Variants in IGF1R observed in about 807,000 individuals in gnomAD.
IGF1R encodes the protein insulin like growth factor 1 receptor.
Under a neutral mutation model 144.6 loss-of-function variants are expected in IGF1R, and 44 were observed. That is an observed-to-expected ratio of 0.30 (90% CI 0.24 to 0.39). IGF1R has a LOEUF of 0.39. Among genes scored for constraint, IGF1R ranks in the 10% least tolerant of loss-of-function variants. The pLI is 1.00. For synonymous variants in IGF1R, 795 were observed against 722.8 expected (o/e 1.10, Z -1.60); for missense variants, 1,355 against 1,833.7 (o/e 0.74, Z 4.77).
intron 2 of IGF1R, among the ~76,000 whole-genome samples, chr15:98,884,333 G>A (rs561820850): frequency 2.6e-5 from 4 of 152,274 alleles, no homozygotes; most frequent in South Asian, 2.1e-4. Flanking sequence ...AGGCATTTCC[G>A]TTTGGATGTG....
At position 98,751,357 on chromosome 15, in the gene IGF1R, G is replaced by A. The variant is rs79601343; in HGVS notation, c.640+43250G>A. Reference sequence around the variant, plus strand: ...TAGGATTACAGGTGTGCATCACCACGCCCAGGTAATTTCTAAAAAAAAAAG... The same window carrying A: ...TAGGATTACAGGTGTGCATCACCACACCCAGGTAATTTCTAAAAAAAAAAG... On this transcript the variant is annotated intron_variant, in intron 2 of 20. Transcript: ENST00000650285. Among the ~76,000 whole-genome samples, 380 of 151,876 alleles carry A rather than the reference G, an allele frequency of 2.5e-3. 2 individuals are homozygous for A. The highest frequency in any genetic ancestry group is 8.6e-3 in the African/African-American group (355 of 41,376).
chr15:98,925,600 G>C (rs2015683063), intron 13 of IGF1R, among the ~76,000 whole-genome samples: 1 of 152,212 alleles, frequency 6.6e-6, no homozygotes, highest in African/African-American at 2.4e-5. Context: ...CACATCTGGA[G>C]TTACGTTAAA....
chr15:98,840,554 G>A (rs2011155629), intron 2 of IGF1R, among the ~76,000 whole-genome samples: 1 of 152,112 alleles, frequency 6.6e-6, no homozygotes, highest in East Asian at 1.9e-4. Flanking sequence ...GGTTCATGCA[G>A]TCCTCCTGCC....
chr15:98,704,187 C>A lies in IGF1R; in HGVS notation c.95-3375C>A, dbSNP rs748589903. On this transcript the variant is annotated intron_variant, in intron 1 of 20. Coordinates refer to ENST00000650285, the MANE Select transcript of IGF1R (RefSeq NM_000875.5). This position sits in a 1 kb window ranked among gnomAD's most constrained non-coding sequence, Gnocchi z 4.9. ...CGTTGTATACAAACTTTGTTTCATG[C>A]ACAAGATTATTAAAAATATATAAAA... is the stretch of plus-strand genomic sequence containing the variant. Among the ~76,000 whole-genome samples the A allele has an allele frequency of 1.4e-4, 21 of 151,836 alleles. No individual in the cohort carries two copies. Among genetic ancestry groups the A allele is most frequent in the Non-Finnish European group, 2.4e-4 (16 of 68,008 alleles).
chr15:98,842,303 TA>T (rs2011188209), intron 2 of IGF1R, among the ~76,000 whole-genome samples: 1 of 152,210 alleles, frequency 6.6e-6, no homozygotes, highest in Non-Finnish European at 1.5e-5. Context: ...AAAACTGATT[TA>T]ACTCTGAGGG....
rs142313898 is a variant in IGF1R at position 98,953,324 on chromosome 15, G to A, written c.3723-3737G>A. On this transcript the variant is annotated intron_variant, in intron 20 of 20. Coordinates refer to ENST00000650285, the MANE Select transcript of IGF1R (RefSeq NM_000875.5). ...AAGGTGTCGAGGTCTGAGTCTCAAC[G>A]CCATGACTCAGTGTGAATTAACTTA... 4.5e-3 allele frequency among the ~76,000 whole-genome samples: 689 copies of A among 152,294 alleles called. 4 individuals carry two copies. The highest frequency in any genetic ancestry group is 0.016 in the African/African-American group (662 of 41,554).
chr15:98,763,111 T>C (rs968683678), intron 2 of IGF1R, among the ~76,000 whole-genome samples: 1 of 151,628 alleles, frequency 6.6e-6, no homozygotes, highest in African/African-American at 2.4e-5. Context: ...GTTACAGAGA[T>C]CACATGTACT....
intron 19 of IGF1R, among the ~76,000 whole-genome samples, chr15:98,946,628 T>G (rs562230259): frequency 6.6e-6 from 1 of 152,278 alleles, no homozygotes; most frequent in South Asian, 2.1e-4. Context: ...GCAGGCAGAC[T>G]GCTCGGGTGG....
chr15:98,735,490 A>G (rs1410840380), intron 2 of IGF1R, among the ~76,000 whole-genome samples: 2 of 152,374 alleles, frequency 1.3e-5, no homozygotes, highest in Admixed American at 6.5e-5. Context: ...ACCTGTTTCA[A>G]GAGGTCTCTA....
intron 19 of IGF1R, among the ~76,000 whole-genome samples, 161 bp from the exon 20 acceptor site, chr15:98,948,413 A>G (rs1167200588): frequency 6.6e-6 from 1 of 152,194 alleles, no homozygotes; most frequent in Non-Finnish European, 1.5e-5. Context: ...GGAGGATGAT[A>G]TCCCGCACTT....
intron 15 of IGF1R, 75 bp downstream of exon 15, chr15:98,930,380 T>C: frequency 1.0e-6 from 1 of 983,378 alleles, no homozygotes; most frequent in Non-Finnish European, 1.6e-6. Flanking sequence ...GTTGCTAATT[T>C]GGGAAAGGAA....
At chr15:98,850,377 C>T (rs1458709602) in intron 2 of IGF1R, among the ~76,000 whole-genome samples, 1 of 152,208 alleles carries the variant, frequency 6.6e-6, no homozygotes, top group Non-Finnish European at 1.5e-5. Flanking sequence ...CTGGAAACAG[C>T]ACTGCTTCCA....
At chr15:98,928,180 C>T (rs1483833294) in intron 13 of IGF1R, among the ~76,000 whole-genome samples, 1 of 152,168 alleles carries the variant, frequency 6.6e-6, no homozygotes, top group Non-Finnish European at 1.5e-5. Context: ...CTCCAGGTCA[C>T]TCGCCTTGGG....
chr15:98,803,396 A>T (rs181724774), intron 2 of IGF1R, among the ~76,000 whole-genome samples: 1 of 152,344 alleles, frequency 6.6e-6, no homozygotes, highest in African/African-American at 2.4e-5. Context: ...TCAGGCTTGC[A>T]GGACCAGAAG....
At chr15:98,947,484 G>A (rs961945046) in intron 19 of IGF1R, among the ~76,000 whole-genome samples, 6 of 151,714 alleles carry the variant, frequency 4.0e-5, no homozygotes, top group Non-Finnish European at 8.8e-5. Flanking sequence ...CCCTGCTCCC[G>A]CCCCTACTTG....
intron 2 of IGF1R, among the ~76,000 whole-genome samples, chr15:98,884,683 CAAAAAAAA>C (rs35707888): frequency 2.5e-5 from 2 of 80,232 alleles, no homozygotes; most frequent in African/African-American, 1.0e-4. Flanking sequence ...CACTCCGTCT[CAAAAAAAA>C]AAAAAAAAAA....
chr15:98,789,366 A>G (rs1193516959), intron 2 of IGF1R, among the ~76,000 whole-genome samples: 1 of 152,208 alleles, frequency 6.6e-6, no homozygotes, highest in Non-Finnish European at 1.5e-5. Context: ...GTAGAAAACC[A>G]CAACTTTAAT....
At chr15:98,817,304 AAATAATAATAATAAT>A (rs57196850) in intron 2 of IGF1R, among the ~76,000 whole-genome samples, 3,471 of 146,326 alleles carry the variant, frequency 0.024, 145 homozygotes, top group African/African-American at 0.081. Context: ...TCTGTCTCAA[AAATAATAATAATAAT>A]AATAATAATA....
chr15:98,926,714 A>G (rs1213238140), intron 13 of IGF1R, among the ~76,000 whole-genome samples: 1 of 152,228 alleles, frequency 6.6e-6, no homozygotes, highest in Non-Finnish European at 1.5e-5. Flanking sequence ...AGAACTGCAA[A>G]TCTTGAGCCA....
Sources: allele counts gnomAD v4.1 joint callset (sites outside exome capture counted in the v4.1 genomes callset), GRCh38; gene constraint gnomAD v4.1.1; non-coding constraint Gnocchi (gnomAD v3.1); transcripts MANE v1.5; gene names NCBI Gene and HGNC (gene_info 2026-07-23, HGNC 2026-07-21).